The following EXOC4 variants were observed in gnomAD, a reference collection of about 807,000 sequenced individuals.
EXOC4 encodes SEC8-like 1.
In EXOC4, 71 loss-of-function variants were observed where a neutral mutation model predicts 107.2. That is an observed-to-expected ratio of 0.66 (90% CI 0.55 to 0.81). EXOC4 has a LOEUF of 0.81. Among genes scored for constraint, EXOC4 ranks in the 30% least tolerant of loss-of-function variants. The pLI is 0.00. For missense variants in EXOC4, 1,108 were observed against 1,189.6 expected (o/e 0.93, Z 1.01); for synonymous variants, 456 against 441.2 (o/e 1.03, Z -0.42).
chr7:133,840,116 A>G (rs1471958227), intron 11 of EXOC4, among the ~76,000 whole-genome samples: 1 of 152,244 alleles, frequency 6.6e-6, no homozygotes, highest in Non-Finnish European at 1.5e-5. Context: ...ATTCCAAATA[A>G]AGGAAAAAGT....
intron 5 of EXOC4, among the ~76,000 whole-genome samples, chr7:133,332,848 A>G (rs1248123066): frequency 3.3e-5 from 5 of 152,256 alleles, no homozygotes; most frequent in East Asian, 1.9e-4. Flanking sequence ...GTCATCAAGT[A>G]TGATATTTCC....
chr7:134,095,917 T>A, the EXOC4 span, among the ~76,000 whole-genome samples: 1 of 152,104 alleles, frequency 6.6e-6, no homozygotes, highest in African/African-American at 2.4e-5. Context: ...GGAAATAATT[T>A]ATGACTAAGT....
intron 7 of EXOC4, among the ~76,000 whole-genome samples, chr7:133,431,843 A>C (rs1015262466): frequency 1.7e-4 from 26 of 152,152 alleles, no homozygotes; most frequent in African/African-American, 6.0e-4. Flanking sequence ...CGTATATTTC[A>C]CTTCCTTTTG....
At chr7:133,756,236 A>G (rs1056351536) in intron 10 of EXOC4, among the ~76,000 whole-genome samples, 2 of 152,186 alleles carry the variant, frequency 1.3e-5, no homozygotes, top group African/African-American at 2.4e-5. Flanking sequence ...TATCTTGATG[A>G]CACTTAACTG....
intron 6 of EXOC4, among the ~76,000 whole-genome samples, chr7:133,363,302 A>T (rs1796173698): frequency 6.6e-6 from 1 of 152,192 alleles, no homozygotes; most frequent in Non-Finnish European, 1.5e-5. Context: ...TTTTTTTTAC[A>T]TATGGGACTT....
At chr7:133,511,103 A>G (rs1034516465) in intron 9 of EXOC4, among the ~76,000 whole-genome samples, 1 of 152,154 alleles carries the variant, frequency 6.6e-6, no homozygotes, top group African/African-American at 2.4e-5. Context: ...TCCTGGCTAC[A>G]TAATTTTCTA....
chr7:133,337,883 T>C (rs1003294911), intron 5 of EXOC4, among the ~76,000 whole-genome samples: 26 of 152,132 alleles, frequency 1.7e-4, no homozygotes, highest in African/African-American at 6.0e-4. Context: ...CCACCTGCCT[T>C]GGCTTCCCAA....
chr7:134,011,354 G>A (rs1267513313), intron 17 of EXOC4, among the ~76,000 whole-genome samples: 2 of 152,084 alleles, frequency 1.3e-5, no homozygotes, highest in East Asian at 1.9e-4. Flanking sequence ...ATATCCCAGA[G>A]TTTTCTTCCC....
At chr7:133,430,206 G>A (rs1252681109) in intron 7 of EXOC4, among the ~76,000 whole-genome samples, 1 of 152,192 alleles carries the variant, frequency 6.6e-6, no homozygotes, top group African/African-American at 2.4e-5. Flanking sequence ...ACCGTCCCCA[G>A]CTGAACTCCT....
intron 9 of EXOC4, chr7:133,601,827 G>A (rs1013076347): frequency 2.6e-5 from 4 of 152,274 alleles, no homozygotes; most frequent in African/African-American, 9.6e-5. Context: ...AGCTACTGGT[G>A]GAGTTAAGTC....
chr7:133,437,684 A>C (rs181093049), intron 7 of EXOC4, among the ~76,000 whole-genome samples: 1 of 152,138 alleles, frequency 6.6e-6, no homozygotes, highest in Non-Finnish European at 1.5e-5. Flanking sequence ...TGACTCCACA[A>C]GTGTGTGCAT....
intron 14 of EXOC4, among the ~76,000 whole-genome samples, chr7:133,956,386 C>T (rs1359117423): frequency 1.3e-5 from 2 of 152,200 alleles, no homozygotes; most frequent in African/African-American, 2.4e-5. Context: ...GCTCTTTTGT[C>T]TGTTTTAATC....
intron 5 of EXOC4, among the ~76,000 whole-genome samples, chr7:133,318,394 G>T (rs1458145093): frequency 1.3e-5 from 2 of 152,192 alleles, no homozygotes; most frequent in Non-Finnish European, 2.9e-5. Context: ...GAGCTTCTGG[G>T]CCTCTGCAGA....
chr7:133,640,002 A>AG (rs1194534521), intron 10 of EXOC4, among the ~76,000 whole-genome samples: 4 of 152,174 alleles, frequency 2.6e-5, no homozygotes, highest in Non-Finnish European at 5.9e-5. Context: ...AAATTTTAAA[A>AG]ATCTTTTAAA....
At chr7:133,718,061 A>C (rs2151103237) in intron 10 of EXOC4, among the ~76,000 whole-genome samples, 1 of 152,320 alleles carries the variant, frequency 6.6e-6, no homozygotes, top group East Asian at 1.9e-4. Context: ...ATTCCATCTA[A>C]GTCTCCATTC....
intron 10 of EXOC4, among the ~76,000 whole-genome samples, chr7:133,756,892 G>GT (rs1795929413): frequency 6.6e-6 from 1 of 152,166 alleles, no homozygotes; most frequent in Admixed American, 6.5e-5. Context: ...TTTAGTTTAG[G>GT]AGAATCGCTG....
intron 7 of EXOC4, among the ~76,000 whole-genome samples, chr7:133,470,761 A>G (rs955087077): frequency 6.6e-6 from 1 of 152,234 alleles, no homozygotes; most frequent in Non-Finnish European, 1.5e-5. Context: ...AGAGCCAACA[A>G]GAATGTGGGA....
intron 3 of EXOC4, among the ~76,000 whole-genome samples, chr7:133,300,952 C>T (rs967756871): frequency 2.2e-4 from 33 of 151,998 alleles, no homozygotes; most frequent in African/African-American, 7.5e-4. Flanking sequence ...AAATTTCCGA[C>T]TTGGGAAAAA....
rs570785506 is a variant in EXOC4, at chr7:133,263,743, G to A, written c.86+10556G>A. On this transcript the variant is annotated intron_variant, in intron 1 of 17. Transcript: ENST00000253861. ...TCCATAAAAATTTATATGTGTGTGT[G>A]TGTTTACATATGTATATGTTGGGGG... Among the ~76,000 whole-genome samples, 5 of 149,750 alleles carry A rather than the reference G, an allele frequency of 3.3e-5. No individual in the cohort carries two copies. In the East Asian group the frequency reaches 9.9e-4, roughly 30 times the overall value.
Sources: gnomAD v4.1 joint callset for allele counts (sites outside exome capture counted in the v4.1 genomes callset) on GRCh38, gnomAD v4.1.1 for gene constraint, MANE v1.5 for transcripts, NCBI Gene and HGNC (gene_info 2026-07-23, HGNC 2026-07-21) for gene names.